Variants in ETS1 observed in about 807,000 individuals in gnomAD.
ETS1 encodes the protein protein C-ets-1.
Under a neutral mutation model 58.6 loss-of-function variants are expected in ETS1, and 15 were observed. That is an observed-to-expected ratio of 0.26 (90% CI 0.17 to 0.39). The LOEUF is 0.39. ETS1 is among the 10% of genes least tolerant of loss of function. The pLI, the probability that ETS1 is intolerant of heterozygous loss-of-function variation, is 1.00. For synonymous variants in ETS1, 214 were observed against 218.2 expected (o/e 0.98, Z 0.17); for missense variants, 417 against 610.5 (o/e 0.68, Z 3.34).
intron 2 of ETS1, among the ~76,000 whole-genome samples, chr11:128,567,560 T>A (rs1317489): frequency 0.43 from 65,638 of 151,970 alleles, 14,480 homozygotes; most frequent in African/African-American, 0.46. Flanking sequence ...TTTAAGAGAA[T>A]CACATTTGAT....
At chr11:128,495,571 T>C (rs1862916794) in intron 3 of ETS1, among the ~76,000 whole-genome samples, 1 of 152,322 alleles carries the variant, frequency 6.6e-6, no homozygotes, top group South Asian at 2.1e-4. Context: ...ATGGGTAACT[T>C]TGCATATAAC....
At chr11:128,577,008 A>G (rs1864765368) in intron 1 of ETS1, among the ~76,000 whole-genome samples, 1 of 152,116 alleles carries the variant, frequency 6.6e-6, no homozygotes, top group South Asian at 2.1e-4. Flanking sequence ...TTTTATTACC[A>G]TCTGCTTCTG....
rs749725834 is a variant in ETS1, at chr11:128,480,390, G to A, written c.924C>T (p.Leu308=). Reference sequence around the variant, plus strand: ...ATGACTGGCTGCTCCAGGACTGGGTGAGGCGATCACAACTATCGTAGCTCT... The same window carrying A: ...ATGACTGGCTGCTCCAGGACTGGGTAAGGCGATCACAACTATCGTAGCTCT... ...SIESYDSCDR[L]TQSWSSQSSF... is the part of the protein sequence containing the mutation. Residue 308 remains leucine, a synonymous_variant, in exon 8 of 10, where the codon CTC becomes CTT. Coordinates refer to ENST00000392668, the MANE Select transcript of ETS1 (RefSeq NM_001143820.2). 1.2e-6 allele frequency: 2 copies of A among 1,614,090 alleles called. No homozygotes were observed. The highest frequency in any genetic ancestry group is 1.7e-6 in the Non-Finnish European group (2 of 1,179,994).
At chr11:128,474,923 AG>A (rs1190537909) in intron 8 of ETS1, among the ~76,000 whole-genome samples, 2 of 152,254 alleles carry the variant, frequency 1.3e-5, no homozygotes, top group Non-Finnish European at 2.9e-5. Context: ...GGCTTCAGCA[AG>A]CCTGGAAGCC....
intron 8 of ETS1, among the ~76,000 whole-genome samples, chr11:128,474,366 T>G (rs979278578): frequency 6.6e-6 from 1 of 152,140 alleles, no homozygotes; most frequent in African/African-American, 2.4e-5. Context: ...ATCACCACTT[T>G]CCACGTTTTT....
intron 7 of ETS1, 39 bp downstream of exon 7, chr11:128,484,784 T>C: frequency 6.3e-7 from 1 of 1,576,448 alleles, no homozygotes; most frequent in Non-Finnish European, 8.6e-7. Context: ...AGGTAATTCT[T>C]GTAAACCCAA....
At chr11:128,587,130 T>G (rs1487923933) in intron 1 of ETS1, among the ~76,000 whole-genome samples, 1 of 150,594 alleles carries the variant, frequency 6.6e-6, no homozygotes, top group African/African-American at 2.4e-5. Flanking sequence ...AATTTATATA[T>G]TTAACTACAG....
rs773889631 is a variant in ETS1, at chr11:128,460,085, C to CACACAA, written c.*2275_*2276insTTGTGT. The CACACAA allele has an allele frequency of 4.3e-3, 609 of 142,724 alleles. 3 individuals carry two copies. Among genetic ancestry groups the CACACAA allele is most frequent in the East Asian group, 0.026 (120 of 4,642 alleles). The allele number at this position is 142,724 out of a possible 1,614,324, so 8.8% of individuals were successfully genotyped here. ...GCATGTCTGCAAACACACACACACACACACACACACACACACACACACACA... is the reference window on the plus strand; with the variant it reads ...GCATGTCTGCAAACACACACACACACACACAAACACACACACACACACACACACACA... On this transcript the variant is annotated 3_prime_UTR_variant, in exon 10 of 10. Transcript: ENST00000392668.
intron 3 of ETS1, among the ~76,000 whole-genome samples, chr11:128,544,360 T>TATATATATATATATATATATAC (rs1864100386): frequency 6.9e-6 from 1 of 145,816 alleles, no homozygotes; most frequent in Non-Finnish European, 1.5e-5. Context: ...TATATATATA[T>TATATATATATATATATATATAC]ATATATATGG....
intron 8 of ETS1, among the ~76,000 whole-genome samples, chr11:128,475,745 G>A (rs2135431656): frequency 6.6e-6 from 1 of 152,146 alleles, no homozygotes; most frequent in East Asian, 1.9e-4. Flanking sequence ...TAGAGACGGG[G>A]TTTCACTGTG....
intron 7 of ETS1, among the ~76,000 whole-genome samples, 164 bp downstream of exon 7, chr11:128,484,659 C>T (rs748854137): frequency 1.1e-4 from 16 of 151,660 alleles, no homozygotes; most frequent in Admixed American, 6.6e-4. Context: ...TAAAACACCA[C>T]GATGGAAAGT....
At chr11:128,582,047 A>G (rs1443145929) in intron 1 of ETS1, among the ~76,000 whole-genome samples, 1 of 152,214 alleles carries the variant, frequency 6.6e-6, no homozygotes, top group Non-Finnish European at 1.5e-5. Flanking sequence ...GTAAGGTTCC[A>G]ATTTCTCAGT....
intron 3 of ETS1, 90 bp from the exon 4 acceptor site, chr11:128,490,666 C>T: frequency 1.0e-6 from 1 of 1,001,812 alleles, no homozygotes; most frequent in Non-Finnish European, 1.5e-6. Context: ...AGAAGGCAAG[C>T]TGAGAAACAA....
intron 6 of ETS1, 129 bp downstream of exon 6, chr11:128,485,940 G>T: frequency 1.6e-6 from 1 of 632,946 alleles, no homozygotes; most frequent in African/African-American, 1.8e-5. Context: ...AAGTAACAAA[G>T]AAGAGTCTAC....
intron 3 of ETS1, among the ~76,000 whole-genome samples, chr11:128,493,517 G>C (rs564712630): frequency 6.6e-6 from 1 of 152,358 alleles, no homozygotes; most frequent in African/African-American, 2.4e-5. Flanking sequence ...CTGGCTGTGA[G>C]ACTCAAGTGC....
At chr11:128,582,108 T>C (rs1308723988) in intron 1 of ETS1, among the ~76,000 whole-genome samples, 1 of 152,206 alleles carries the variant, frequency 6.6e-6, no homozygotes, top group Non-Finnish European at 1.5e-5. Flanking sequence ...GATTGTGCAA[T>C]TCCAGTGAAT....
At position 128,585,185 on chromosome 11, in the gene ETS1, AGAAG is replaced by A. The variant is rs746487356; in HGVS notation, c.-15+2299_-15+2302del. Among the ~76,000 whole-genome samples the A allele has an allele frequency of 7.4e-3, 243 of 33,040 alleles. 39 individuals carry two copies. The highest frequency in any genetic ancestry group is 0.028 in the African/African-American group (176 of 6,318). 21.7% of individuals were successfully genotyped at this position (33,040 alleles called of 152,430 possible). The stretch of plus-strand genomic sequence containing the variant: ...GAAAGAAAGAGAAAGAAAGAAAGAA[AGAAG>A]GAAGGAAAGAAAGAAAGAAAGAAAG... On this transcript the variant is annotated intron_variant, in intron 1 of 9. Transcript: ENST00000392668.
At chr11:128,475,484 A>G (rs1407595367) in intron 8 of ETS1, among the ~76,000 whole-genome samples, 1 of 151,166 alleles carries the variant, frequency 6.6e-6, no homozygotes, top group Non-Finnish European at 1.5e-5. Flanking sequence ...AGAGTCATCT[A>G]TGAAATGACA....
chr11:128,565,418 G>T (rs1395313816), intron 2 of ETS1, among the ~76,000 whole-genome samples: 5 of 152,210 alleles, frequency 3.3e-5, no homozygotes, highest in African/African-American at 1.2e-4. Context: ...TATTCTTTTT[G>T]AATTACCCAG....
Sources: allele counts gnomAD v4.1 joint callset (sites outside exome capture counted in the v4.1 genomes callset), GRCh38; gene constraint gnomAD v4.1.1; transcripts MANE v1.5; gene names NCBI Gene and HGNC (gene_info 2026-07-23, HGNC 2026-07-21).